The following CLVS1 variants were observed in gnomAD, a reference collection of about 807,000 sequenced individuals.
CLVS1 encodes clavesin 1, also known as clavesin-1.
In CLVS1, 10 loss-of-function variants were observed where a neutral mutation model predicts 33.1. That is an observed-to-expected ratio of 0.30 (90% CI 0.19 to 0.51). The LOEUF is 0.51. Ranked by LOEUF, CLVS1 falls within the 20% of genes least tolerant of loss-of-function variation. CLVS1 has a pLI of 0.97. For missense variants in CLVS1, 343 were observed against 433.4 expected (o/e 0.79, Z 1.85); for synonymous variants, 163 against 166.1 (o/e 0.98, Z 0.14).
intron 2 of CLVS1, among the ~76,000 whole-genome samples, chr8:61,357,693 G>T (rs1360491045): frequency 6.6e-6 from 1 of 151,156 alleles, no homozygotes; most frequent in Non-Finnish European, 1.5e-5. Context: ...TTTTAGTAGA[G>T]ACAGGGTTTC....
At chr8:61,293,169 G>C (rs2129593988) in intron 1 of CLVS1, among the ~76,000 whole-genome samples, 1 of 152,262 alleles carries the variant, frequency 6.6e-6, no homozygotes, top group African/African-American at 2.4e-5. Flanking sequence ...GGTGGTGAAA[G>C]GTGAACTGTG....
At chr8:61,066,802 G>A (rs1365121604) in intron 1 of CLVS1, among the ~76,000 whole-genome samples, 4 of 152,192 alleles carry the variant, frequency 2.6e-5, no homozygotes, top group African/African-American at 9.7e-5. Flanking sequence ...AAGTGTCCAC[G>A]CAGTGGTATC....
chr8:61,494,096 C>T (rs1350649569), intron 5 of CLVS1, among the ~76,000 whole-genome samples: 1 of 152,112 alleles, frequency 6.6e-6, no homozygotes, highest in Non-Finnish European at 1.5e-5. Flanking sequence ...ACTCTCAGTC[C>T]AGTTGTAGGT....
chr8:61,206,952 A>G (rs1195985385), intron 2 of CLVS1, among the ~76,000 whole-genome samples: 1 of 152,128 alleles, frequency 6.6e-6, no homozygotes, highest in Non-Finnish European at 1.5e-5. Flanking sequence ...TCAATGATGG[A>G]ACAGCTGTAT....
chr8:61,251,640 G>T (rs986587007), intron 2 of CLVS1, among the ~76,000 whole-genome samples: 1 of 152,066 alleles, frequency 6.6e-6, no homozygotes, highest in Admixed American at 6.6e-5. Context: ...GTTTCAACTT[G>T]GGAGAGTGTA....
Position 61,210,187 on chromosome 8 carries a change from T to C in CLVS1, c.-152+78327T>C, listed in dbSNP as rs565162904. Reference sequence around the variant, plus strand: ...GATAGTATTAAGAGGTGGAATCTTTTGGGAAGTAGTTAAGGGCTTGCCCTA... The same window carrying C: ...GATAGTATTAAGAGGTGGAATCTTTCGGGAAGTAGTTAAGGGCTTGCCCTA... On this transcript the variant is annotated intron_variant, in intron 2 of 2. Transcript: ENST00000522621. 1.2e-4 allele frequency among the ~76,000 whole-genome samples: 19 copies of C among 152,310 alleles called. No individual in the cohort carries two copies. In the South Asian group the frequency reaches 3.1e-3, roughly 25 times the overall value.
intron 3 of CLVS1, among the ~76,000 whole-genome samples, chr8:61,383,561 G>T (rs971249132): frequency 6.6e-6 from 1 of 152,134 alleles, no homozygotes; most frequent in Admixed American, 6.5e-5. Context: ...ACCTCCTCAG[G>T]TCACAAAGCT....
At position 61,479,299 on chromosome 8, in the gene CLVS1, T is replaced by C. The variant is rs183122003; in HGVS notation, c.978-20156T>C. Among the ~76,000 whole-genome samples, 149 of 152,328 alleles carry C rather than the reference T, an allele frequency of 9.8e-4. 1 individual carries two copies. Among genetic ancestry groups the C allele is most frequent in the African/African-American group, 3.3e-3 (138 of 41,574 alleles). On this transcript the variant is annotated intron_variant, in intron 5 of 5. Coordinates refer to ENST00000325897, the MANE Select transcript of CLVS1 (RefSeq NM_173519.3). ...TCATTTCTTTTTTTATTCTTTTTTC[T>C]CTAAACTTCTCTTCTTGCTTCATTT...
intron 2 of CLVS1, among the ~76,000 whole-genome samples, chr8:61,132,356 C>A (rs12546591): frequency 6.6e-6 from 1 of 152,172 alleles, no homozygotes; most frequent in Admixed American, 6.5e-5. Flanking sequence ...GCTGTGCATG[C>A]CAGGCCTGGC....
chr8:61,049,810 A>G, the CLVS1 span, among the ~76,000 whole-genome samples: 22 of 152,390 alleles, frequency 1.4e-4, no homozygotes, highest in African/African-American at 4.8e-4. Flanking sequence ...TTGGGGCCAC[A>G]TTCCATAATG....
chr8:61,393,070 A>C (rs1384297056), intron 3 of CLVS1, among the ~76,000 whole-genome samples: 1 of 151,450 alleles, frequency 6.6e-6, no homozygotes, highest in Non-Finnish European at 1.5e-5. Flanking sequence ...TTTAGTGGAG[A>C]CGGGTTTCTC....
chr8:61,261,149 G>A (rs562790561), intron 2 of CLVS1, among the ~76,000 whole-genome samples: 1 of 152,280 alleles, frequency 6.6e-6, no homozygotes, highest in Non-Finnish European at 1.5e-5. Flanking sequence ...ACTGATGTGT[G>A]TTCCAATACT....
intron 2 of CLVS1, among the ~76,000 whole-genome samples, chr8:61,374,142 C>T (rs1813549546): frequency 6.6e-6 from 1 of 152,170 alleles, no homozygotes; most frequent in East Asian, 1.9e-4. Context: ...ACTGTATCCT[C>T]AAGGAGGCCA....
Position 61,177,002 on chromosome 8 carries a change from T to C in CLVS1, c.-152+45142T>C, listed in dbSNP as rs917097003. ...CTGCCTGCTGTCTAAGCCATCTGAGTTCCTTGCGGGAGGTGTGGCAGCCAA... is the reference window on the plus strand; with the variant it reads ...CTGCCTGCTGTCTAAGCCATCTGAGCTCCTTGCGGGAGGTGTGGCAGCCAA... On this transcript the variant is annotated intron_variant, in intron 2 of 2. Transcript: ENST00000522621. Among the ~76,000 whole-genome samples the C allele has an allele frequency of 2.6e-5, 4 of 151,840 alleles. No homozygotes were observed. In the South Asian group the frequency reaches 8.3e-4, roughly 32 times the overall value.
intron 5 of CLVS1, among the ~76,000 whole-genome samples, chr8:61,476,033 G>C (rs1451825089): frequency 1.3e-5 from 2 of 152,156 alleles, no homozygotes; most frequent in South Asian, 2.1e-4. Context: ...AGTTTTCCCA[G>C]CACCATTTAT....
chr8:61,365,754 GGTGTGTGTGT>G (rs35496931), intron 2 of CLVS1, among the ~76,000 whole-genome samples: 3 of 148,496 alleles, frequency 2.0e-5, no homozygotes, highest in Non-Finnish European at 4.5e-5. Flanking sequence ...CAGTTTACAG[GGTGTGTGTGT>G]GTGTGTGTGT....
At chr8:61,363,810 T>C (rs772715622) in intron 2 of CLVS1, among the ~76,000 whole-genome samples, 3 of 152,222 alleles carry the variant, frequency 2.0e-5, no homozygotes, top group Admixed American at 1.3e-4. Flanking sequence ...AATAGAGCTC[T>C]CAGCCCACTG....
the CLVS1 span, among the ~76,000 whole-genome samples, chr8:61,000,119 A>G: frequency 5.9e-5 from 9 of 152,224 alleles, no homozygotes; most frequent in African/African-American, 2.2e-4. Context: ...GGAAGAGACT[A>G]ACAATTTTCT....
At chr8:61,393,759 A>G (rs368272628) in intron 3 of CLVS1, among the ~76,000 whole-genome samples, 5 of 152,048 alleles carry the variant, frequency 3.3e-5, no homozygotes, top group African/African-American at 1.2e-4. Context: ...GATGTGATCC[A>G]TTTTCAGGAC....
Sources: gnomAD v4.1 joint callset for allele counts (sites outside exome capture counted in the v4.1 genomes callset) on GRCh38, gnomAD v4.1.1 for gene constraint, MANE v1.5 for transcripts, NCBI Gene and HGNC (gene_info 2026-07-23, HGNC 2026-07-21) for gene names.